The following SLC25A36 variants were observed in gnomAD, a reference collection of about 807,000 sequenced individuals.
SLC25A36 encodes solute carrier family 25 member 36.
Under a neutral mutation model 35.3 loss-of-function variants are expected in SLC25A36, and 24 were observed. The ratio of observed to expected loss-of-function variants is 0.68; its 90% CI spans 0.49 to 0.96. The LOEUF (loss-of-function observed/expected upper bound fraction) is 0.96, where lower values mean the gene tolerates loss of function less well. Ranked by LOEUF, SLC25A36 falls within the 40% of genes least tolerant of loss-of-function variation. The probability of loss-of-function intolerance (pLI) is 0.00; values close to 1 mark genes in which losing one functional copy is unlikely to be tolerated. For missense variants in SLC25A36, 294 were observed against 381.1 expected (o/e 0.77, Z 1.90); for synonymous variants, 141 against 132.2 (o/e 1.07, Z -0.46).
chr3:140,971,383 A>G (rs545739127), intron 5 of SLC25A36, among the ~76,000 whole-genome samples: 167 of 151,954 alleles, frequency 1.1e-3, no homozygotes, highest in South Asian at 2.1e-3. Flanking sequence ...TTTGAGGATC[A>G]TTGCTCAAAT....
In SLC25A36 at chr3:140,963,117, TC is replaced by T; in HGVS notation, c.285-9del. On this transcript the variant is annotated splice_polypyrimidine_tract_variant and intron_variant, in intron 3 of 6. Coordinates refer to ENST00000324194, the MANE Select transcript of SLC25A36 (RefSeq NM_001104647.3). ...ACATGCTTATTGATAAATCTAAATC[TC>T]TATTTTAGAGCAATATACTTTGCTG... 1 of 1,510,982 alleles carries T rather than the reference TC, an allele frequency of 6.6e-7. No homozygotes were observed. Among genetic ancestry groups the T allele is most frequent in the South Asian group, 1.3e-5 (1 of 79,544 alleles). The allele number at this position is 1,510,982 out of a possible 1,614,324, so 93.6% of individuals were successfully genotyped here.
rs375620754 is a variant in SLC25A36, at chr3:140,942,085, T to C, written c.31T>C (p.Phe11Leu). The C allele has an allele frequency of 8.1e-5, 119 of 1,468,968 alleles. No homozygotes were observed. The highest frequency in any genetic ancestry group is 1.0e-4 in the Non-Finnish European group (113 of 1,093,542). The allele number at this position is 1,468,968 out of a possible 1,614,324, so 91.0% of individuals were successfully genotyped here. A position where few individuals can be genotyped will look rare whatever the true frequency, so the allele number is the denominator to read the frequency against. The part of the protein sequence containing the change: MSQRDTLVHL[F>L]AGGCGGTVGA... ...CCAGAGGGACACGCTGGTGCATCTG[T>C]TTGCCGGAGGGTAAGGTCCTGGCGG... Residue 11 changes from phenylalanine (F) to leucine (L), a missense_variant, in exon 1 of 7, where the codon TTT (phenylalanine) becomes CTT (leucine). Coordinates refer to ENST00000324194, the MANE Select transcript of SLC25A36 (RefSeq NM_001104647.3).
chr3:140,952,940 G>A (rs757132924), intron 1 of SLC25A36, among the ~76,000 whole-genome samples: 11 of 152,076 alleles, frequency 7.2e-5, no homozygotes, highest in Non-Finnish European at 1.3e-4. Context: ...TATAGATTTT[G>A]GGCCTGTTTG....
intron 1 of SLC25A36, among the ~76,000 whole-genome samples, chr3:140,953,834 G>A (rs1209634040): frequency 6.6e-6 from 1 of 152,152 alleles, no homozygotes; most frequent in African/African-American, 2.4e-5. Flanking sequence ...GCTGTGCATG[G>A]TGGCATGTGC....
rs1935113647 is a variant in SLC25A36, at chr3:140,978,663, G to A, written c.*2210G>A. 1 of 152,126 alleles carries A rather than the reference G, an allele frequency of 6.6e-6. No individual in the cohort carries two copies. The highest frequency in any genetic ancestry group is 2.1e-4 in the South Asian group (1 of 4,834). The allele number at this position is 152,126 out of a possible 1,614,324, so 9.4% of individuals were successfully genotyped here. On this transcript the variant is annotated 3_prime_UTR_variant, in exon 7 of 7. Coordinates refer to ENST00000324194, the MANE Select transcript of SLC25A36 (RefSeq NM_001104647.3). ...AGTGCATTATATTCAGCTTTTAACA[G>A]TATTATGTATGTACTGGAAAGCAAA...
rs756076601 is a variant in SLC25A36 at position 140,980,617 on chromosome 3, G to A, written c.*4164G>A. Among the ~76,000 whole-genome samples the A allele has an allele frequency of 1.3e-4, 19 of 151,836 alleles. No individual in the cohort carries two copies. Among genetic ancestry groups the A allele is most frequent in the Admixed American group, 5.9e-4 (9 of 15,236 alleles). The stretch of plus-strand genomic sequence containing the variant: ...ATAGGGAAGTAATTTGTGAGTTCAT[G>A]ATTTCTTAAGGTTCTAGTGTGACAT... On this transcript the variant is annotated 3_prime_UTR_variant, in exon 7 of 7. Coordinates refer to ENST00000324194, the MANE Select transcript of SLC25A36 (RefSeq NM_001104647.3).
rs184203984 is a variant in SLC25A36 at position 140,943,014 on chromosome 3, C to T, written c.41+919C>T. On this transcript the variant is annotated intron_variant, in intron 1 of 6. Coordinates refer to ENST00000324194, the MANE Select transcript of SLC25A36 (RefSeq NM_001104647.3). Reference sequence around the variant, plus strand: ...TTACTATGTGTGTGCAAGATTAGGACTAAGCCTAAAGTCTTAGTTCCCTGA... The same window carrying T: ...TTACTATGTGTGTGCAAGATTAGGATTAAGCCTAAAGTCTTAGTTCCCTGA... 7.1e-4 allele frequency among the ~76,000 whole-genome samples: 108 copies of T among 152,312 alleles called. 1 individual carries two copies. The highest frequency in any genetic ancestry group is 5.9e-3 in the Admixed American group (91 of 15,308).
At chr3:140,975,562 A>G (rs1935021454) in intron 6 of SLC25A36, among the ~76,000 whole-genome samples, 1 of 152,166 alleles carries the variant, frequency 6.6e-6, no homozygotes, top group East Asian at 1.9e-4. Flanking sequence ...GGATGTAAAA[A>G]AAAGTAGTTA....
At chr3:140,967,047 A>C in intron 4 of SLC25A36, 1 of 456,242 alleles carries the variant, frequency 2.2e-6, no homozygotes, top group South Asian at 1.5e-5. Context: ...GTGAGTACTG[A>C]TCTGAGCATC....
rs1037930458 is a variant in SLC25A36 at position 140,980,330 on chromosome 3, A to G, written c.*3877A>G. On this transcript the variant is annotated 3_prime_UTR_variant, in exon 7 of 7. Coordinates refer to ENST00000324194, the MANE Select transcript of SLC25A36 (RefSeq NM_001104647.3). ...GATCAAAATACAAATGACAAAGATA[A>G]AATGCTATGTAGTGCCTACCCTCTT... is the stretch of plus-strand genomic sequence containing the variant. 6.6e-6 allele frequency among the ~76,000 whole-genome samples: 1 copy of G among 152,250 alleles called. No homozygotes were observed. The highest frequency in any genetic ancestry group is 2.4e-5 in the African/African-American group (1 of 41,464).
At chr3:140,963,093 C>A in intron 3 of SLC25A36, 34 bp from the exon 4 acceptor site, 2 of 1,327,626 alleles carry the variant, frequency 1.5e-6, no homozygotes, top group Non-Finnish European at 2.1e-6. Flanking sequence ...GCATTAAGAA[C>A]ATGCTTATTG....
At chr3:140,950,125 T>A (rs1228244722) in intron 1 of SLC25A36, among the ~76,000 whole-genome samples, 2 of 152,194 alleles carry the variant, frequency 1.3e-5, no homozygotes, top group Non-Finnish European at 2.9e-5. Flanking sequence ...TAACAGTTTT[T>A]GTTAAAAATC....
Position 140,970,913 on chromosome 3 carries a change from A to G in SLC25A36, c.386-14A>G. On this transcript the variant is annotated splice_polypyrimidine_tract_variant and intron_variant, in intron 4 of 6. Coordinates refer to ENST00000324194, the MANE Select transcript of SLC25A36 (RefSeq NM_001104647.3). Reference sequence around the variant, plus strand: ...TCATTTTTACCAGAGTTCATTTTAAACATGTTTGTTTAGGTTTTACTGCAA... The same window carrying G: ...TCATTTTTACCAGAGTTCATTTTAAGCATGTTTGTTTAGGTTTTACTGCAA... 1 of 1,323,396 alleles carries G rather than the reference A, an allele frequency of 7.6e-7. No individual in the cohort carries two copies. The highest frequency in any genetic ancestry group is 1.2e-5 in the South Asian group (1 of 82,600). 82.0% of individuals were successfully genotyped at this position (1,323,396 alleles called of 1,614,324 possible).
In SLC25A36 at chr3:140,973,903, GA is replaced by G; in HGVS notation, c.644del (p.Asn215MetfsTer6). The stretch of plus-strand genomic sequence containing the variant: ...GGAATATAAGACTGCTTCTACAATG[GA>G]AAATGATGAAGAGTCTGTGAAAGAA... ...LLEYKTASTM[E>X]NDEESVKEAS... On this transcript the variant is annotated frameshift_variant, in exon 6 of 7. Coordinates refer to ENST00000324194, the MANE Select transcript of SLC25A36 (RefSeq NM_001104647.3). LOFTEE classifies it high-confidence loss of function. The G allele has an allele frequency of 1.2e-6, 2 of 1,612,684 alleles. No individual in the cohort carries two copies. Among genetic ancestry groups the G allele is most frequent in the Non-Finnish European group, 1.7e-6 (2 of 1,179,120 alleles).
In SLC25A36 at chr3:140,959,511, C is replaced by T. The variant is rs1244802381; in HGVS notation, c.255C>T (p.Gly85=). ...EGPRSLFRGL[G]PNLVGVAPSR... ...CTCGTTCCTTGTTTAGAGGACTAGG[C>T]CCCAATTTAGTGGGGGTAGCCCCTT... is the stretch of plus-strand genomic sequence containing the variant. Residue 85 remains glycine, a synonymous_variant, in exon 3 of 7, where the codon GGC becomes GGT. Coordinates refer to ENST00000324194, the MANE Select transcript of SLC25A36 (RefSeq NM_001104647.3). The T allele has an allele frequency of 2.0e-6, 3 of 1,500,752 alleles. No homozygotes were observed. Among genetic ancestry groups the T allele is most frequent in the Non-Finnish European group, 8.8e-7 (1 of 1,135,712 alleles). 93.0% of individuals were successfully genotyped at this position (1,500,752 alleles called of 1,614,324 possible). A position where few individuals can be genotyped will look rare whatever the true frequency, so the allele number is the denominator to read the frequency against.
chr3:140,973,565 A>C (rs141334097), intron 5 of SLC25A36, 151 bp from the exon 6 acceptor site: 1 of 619,912 alleles, frequency 1.6e-6, no homozygotes, highest in African/African-American at 1.9e-5. Flanking sequence ...GGGACAAAAG[A>C]ATAGGAAATC....
At chr3:140,952,666 A>C (rs1347789831) in intron 1 of SLC25A36, among the ~76,000 whole-genome samples, 1 of 152,144 alleles carries the variant, frequency 6.6e-6, no homozygotes, top group African/African-American at 2.4e-5. Flanking sequence ...ATATTATATC[A>C]TCTTTACAAC....
chr3:140,971,374 T>C (rs1351970882), intron 5 of SLC25A36, among the ~76,000 whole-genome samples: 1 of 152,004 alleles, frequency 6.6e-6, no homozygotes, highest in African/African-American at 2.4e-5. Context: ...GACTGAATCT[T>C]TGAGGATCAT....
In SLC25A36 at chr3:140,976,439, C is replaced by G; in HGVS notation, c.922C>G (p.Leu308Val). ...MMATYELVVY[L>V]LNG ...GGCCACCTATGAATTGGTGGTTTACCTACTCAATGGATAGCAGCACGAGGA... is the reference window on the plus strand; with the variant it reads ...GGCCACCTATGAATTGGTGGTTTACGTACTCAATGGATAGCAGCACGAGGA... The change falls in exon 7 of 7, where the codon CTA becomes GTA. Residue 308 changes from leucine to valine, a missense_variant. By Grantham distance (32) the Leu-to-Val change is conservative. Transcript: ENST00000324194. 1 of 1,611,802 alleles carries G rather than the reference C, an allele frequency of 6.2e-7. No homozygotes were observed. Among genetic ancestry groups the G allele is most frequent in the Non-Finnish European group, 8.5e-7 (1 of 1,179,224 alleles).
Sources: gnomAD v4.1 joint callset for allele counts (sites outside exome capture counted in the v4.1 genomes callset) on GRCh38, gnomAD v4.1.1 for gene constraint, MANE v1.5 for transcripts, NCBI Gene and HGNC (gene_info 2026-07-23, HGNC 2026-07-21) for gene names.